Variants in TRA2B observed in about 807,000 individuals in gnomAD.
The protein encoded by TRA2B is transformer-2 protein homolog beta.
A neutral mutation model predicts 41.7 loss-of-function variants in TRA2B; 14 were observed. The observed-to-expected ratio is 0.34, with a 90% CI of 0.22 to 0.53. TRA2B has a LOEUF of 0.53. Ranked by LOEUF, TRA2B falls within the 20% of genes least tolerant of loss-of-function variation. The pLI is 0.95. For missense variants in TRA2B, 167 were observed against 396.8 expected, an observed-to-expected ratio of 0.42 and a Z score of 4.92; for synonymous variants, 130 against 128.8, an observed-to-expected ratio of 1.01 and a Z score of -0.06.
intron 1 of TRA2B, chr3:185,936,599 T>TA (rs745765207): frequency 1.0e-5 from 10 of 984,604 alleles, no homozygotes; most frequent in Non-Finnish European, 1.2e-5. Flanking sequence ...AGACATTTAA[T>TA]AGTCTTATTT....
intron 2 of TRA2B, among the ~76,000 whole-genome samples, chr3:185,925,858 A>G (rs1382981220): frequency 4.6e-5 from 7 of 152,242 alleles, no homozygotes; most frequent in Admixed American, 2.0e-4. Flanking sequence ...AATTAAAGAC[A>G]TATTACTTAT....
At chr3:185,935,168 A>C (rs778607333) in intron 1 of TRA2B, 33 of 985,316 alleles carry the variant, frequency 3.3e-5, no homozygotes, top group Non-Finnish European at 3.9e-5. Flanking sequence ...GCCTCTTTTT[A>C]CAAAGAAATG....
chr3:185,932,131 G>T (rs774737309), intron 1 of TRA2B, among the ~76,000 whole-genome samples: 3 of 152,042 alleles, frequency 2.0e-5, no homozygotes, highest in Non-Finnish European at 4.4e-5. Context: ...AACATTTTAA[G>T]AACTATTAGT....
chr3:185,928,333 A>G (rs912963696), intron 1 of TRA2B: 1 of 152,230 alleles, frequency 6.6e-6, no homozygotes, highest in Admixed American at 6.5e-5. Flanking sequence ...CTTCAAAGCC[A>G]TTATAAAACA....
chr3:185,915,473 CG>C lies in TRA2B; in HGVS notation c.*2241del, dbSNP rs1041205948. 1.3e-5 allele frequency among the ~76,000 whole-genome samples: 2 copies of C among 152,124 alleles called. No homozygotes were observed. The highest frequency in any genetic ancestry group is 4.8e-5 in the African/African-American group (2 of 41,432). On this transcript the variant is annotated 3_prime_UTR_variant, in exon 9 of 9. Coordinates refer to ENST00000453386, the MANE Select transcript of TRA2B (RefSeq NM_004593.3). ...GCAGCAGTTACCTAGGGGTTACCTA[CG>C]GGTAACTGCTGCCTCCCTTTCATGA...
At chr3:185,929,155 A>G (rs556222573) in intron 1 of TRA2B, 15 of 152,322 alleles carry the variant, frequency 9.8e-5, no homozygotes, top group South Asian at 2.1e-4. Context: ...GGTAACACCT[A>G]AACGTCTCGA....
intron 1 of TRA2B, chr3:185,926,955 TAA>T (rs1743975568): frequency 6.0e-6 from 3 of 497,650 alleles, no homozygotes; most frequent in Middle Eastern, 5.9e-4. Flanking sequence ...GGAGCAGGGA[TAA>T]GAGTTATTTG....
At chr3:185,936,709 C>CACA (rs141499630) in intron 1 of TRA2B, 87,215 of 984,374 alleles carry the variant, frequency 0.089, 5,111 homozygotes, top group South Asian at 0.33. Flanking sequence ...AAATTATTCC[C>CACA]ACAGCCTCAA....
chr3:185,937,183 G>A, intron 1 of TRA2B: 1 of 985,534 alleles, frequency 1.0e-6, no homozygotes, highest in Non-Finnish European at 1.2e-6. Flanking sequence ...AAGCCCTCAC[G>A]CAATCCCCTC....
At chr3:185,932,405 A>G (rs917997064) in intron 1 of TRA2B, among the ~76,000 whole-genome samples, 37 of 152,190 alleles carry the variant, frequency 2.4e-4, no homozygotes, top group African/African-American at 8.7e-4. Context: ...GGAACCTGAC[A>G]ATTTGGAGCT....
At chr3:185,921,933 G>A (rs1743759978) in intron 5 of TRA2B, 78 bp downstream of exon 5, 3 of 1,062,904 alleles carry the variant, frequency 2.8e-6, no homozygotes, top group African/African-American at 1.6e-5. Context: ...CCTAAGTGCT[G>A]AAGACTTTCC....
chr3:185,924,469 G>A (rs1357563439), intron 3 of TRA2B: 1 of 153,554 alleles, frequency 6.5e-6, no homozygotes, highest in Non-Finnish European at 1.4e-5. Flanking sequence ...AGCCTGAGGG[G>A]ATGCGTACCA....
intron 1 of TRA2B, chr3:185,934,637 T>C: frequency 1.0e-6 from 1 of 985,420 alleles, no homozygotes; most frequent in Non-Finnish European, 1.2e-6. Flanking sequence ...TTTGGTGAGA[T>C]GGCTGCAATT....
intron 3 of TRA2B, 62 bp downstream of exon 3, chr3:185,925,402 C>A: frequency 1.3e-6 from 2 of 1,576,882 alleles, no homozygotes; most frequent in Non-Finnish European, 1.7e-6. Flanking sequence ...AAAATCAGCT[C>A]TAACTTTAAG....
At chr3:185,932,627 G>A (rs183587785) in intron 1 of TRA2B, among the ~76,000 whole-genome samples, 2 of 152,224 alleles carry the variant, frequency 1.3e-5, no homozygotes, top group Non-Finnish European at 1.5e-5. Flanking sequence ...ATGTCCAAAG[G>A]AGAAATACTA....
chr3:185,927,196 C>CTT (rs1743984250), intron 1 of TRA2B: 1 of 152,202 alleles, frequency 6.6e-6, no homozygotes, highest in Non-Finnish European at 1.5e-5. Flanking sequence ...AGACCTTGAC[C>CTT]TTTCAAGTTA....
chr3:185,926,745 AT>A lies in TRA2B; in HGVS notation c.37-12del, dbSNP rs748923426. ...AGCAGAACGGGATTCCTACACGTAG[AT>A]GTTAAAAGTTTAATTTGCACACTTT... On this transcript the variant is annotated splice_polypyrimidine_tract_variant and intron_variant, in intron 1 of 8. Transcript: ENST00000453386. The A allele has an allele frequency of 9.9e-6, 16 of 1,613,712 alleles. No homozygotes were observed. The highest frequency in any genetic ancestry group is 1.3e-5 in the Non-Finnish European group (15 of 1,179,780).
chr3:185,935,548 T>C lies in TRA2B; in HGVS notation c.36+2277A>G, dbSNP rs575822189. ...GGTGGGGCACAGAGGGGTGGGGTTG[T>C]CTGGATTAGAGACAGATAAATAAGG... is the stretch of plus-strand genomic sequence containing the variant. On this transcript the variant is annotated intron_variant, in intron 1 of 8. Coordinates refer to ENST00000453386, the MANE Select transcript of TRA2B (RefSeq NM_004593.3). 6.2e-5 allele frequency: 61 copies of C among 985,430 alleles called. No individual in the cohort carries two copies. The African/African-American group carries it at 1.0e-3, about 17-fold the overall frequency. The allele number at this position is 985,430 out of a possible 1,614,324, so 61.0% of individuals were successfully genotyped here. A position where few individuals can be genotyped will look rare whatever the true frequency, so the allele number is the denominator to read the frequency against.
chr3:185,934,285 A>T, intron 1 of TRA2B: 2 of 970,618 alleles, frequency 2.1e-6, no homozygotes, highest in African/African-American at 1.8e-5. Context: ...CAAAATAGCT[A>T]TGAAAGCATT....
Sources: gnomAD v4.1 joint callset for allele counts (sites outside exome capture counted in the v4.1 genomes callset) on GRCh38, gnomAD v4.1.1 for gene constraint, MANE v1.5 for transcripts, NCBI Gene and HGNC (gene_info 2026-07-23, HGNC 2026-07-21) for gene names.